GTPBP1: variants seen among roughly 807,000 people sequenced by gnomAD.
GTPBP1 encodes the protein GTP binding protein 1, also known as GTP-binding protein 1.
GTPBP1 carries 23 observed loss-of-function variants against 62.0 expected under a neutral mutation model. The observed-to-expected ratio is 0.37, with a 90% CI of 0.27 to 0.53. The LOEUF (loss-of-function observed/expected upper bound fraction) is 0.53. Ranked by LOEUF, GTPBP1 falls within the 20% of genes least tolerant of loss-of-function variation. The pLI, the probability that GTPBP1 is intolerant of heterozygous loss-of-function variation, is 0.89. For missense variants in GTPBP1, 640 were observed against 917.3 expected (o/e 0.70, Z 3.90); for synonymous variants, 344 against 364.4 (o/e 0.94, Z 0.64).
rs2092763680 is a variant in GTPBP1, at chr22:38,732,096, C to T, written c.*1392C>T. On this transcript the variant is annotated 3_prime_UTR_variant, in exon 12 of 12. Transcript: ENST00000216044. ...GGGTCCTTCCTCAGCCTTGCCTCCT[C>T]CTGTCCCCAACCCTTTCCTTTCCTC... The T allele has an allele frequency of 6.5e-6, 1 of 152,868 alleles. No individual in the cohort carries two copies. Among genetic ancestry groups the T allele is most frequent in the South Asian group, 2.1e-4 (1 of 4,850 alleles). The allele number at this position is 152,868 out of a possible 1,614,324, so 9.5% of individuals were successfully genotyped here.
At position 38,727,402 on chromosome 22, in the gene GTPBP1, G is replaced by A. The variant is rs141876564; in HGVS notation, c.1537+54G>A. ...GAGGCCGTCGTGTTAGCTCCCCTCA[G>A]AAGGTGTTCCAGCAACCCAGGCCCC... On this transcript the variant is annotated intron_variant, in intron 9 of 11. Transcript: ENST00000216044. This position sits in a 1 kb window ranked among gnomAD's most constrained non-coding sequence, Gnocchi z 6.5. The A allele has an allele frequency of 2.6e-4, 389 of 1,472,096 alleles. No individual in the cohort carries two copies. In the African/African-American group the frequency reaches 4.9e-3, roughly 18 times the overall value. 91.2% of individuals were successfully genotyped at this position (1,472,096 alleles called of 1,614,324 possible).
At chr22:38,739,081 G>C, downstream of GTPBP1, 1 of 1,268,884 alleles carries the variant, frequency 7.9e-7, no homozygotes, top group Non-Finnish European at 1.1e-6. This position sits in a 1 kb window ranked among gnomAD's most constrained non-coding sequence, Gnocchi z 6.7. Context: ...GTGGACGGCA[G>C]ATGCCCCAGG....
rs779558609 is a variant in GTPBP1 at position 38,726,724 on chromosome 22, C to T, written c.1401+284C>T. Among the ~76,000 whole-genome samples, 12 of 152,162 alleles carry T rather than the reference C, an allele frequency of 7.9e-5. No homozygotes were observed. The highest frequency in any genetic ancestry group is 1.5e-4 in the Non-Finnish European group (10 of 68,022). ...CAGTGGTGAGGTCAAATAGGAGTAT[C>T]CCTGCTGTGCAAGGATCCTTCTACA... On this transcript the variant is annotated intron_variant, in intron 8 of 11. Transcript: ENST00000216044. The surrounding 1 kb of genome is among the most constrained non-coding windows in gnomAD (Gnocchi z 4.1).
chr22:38,723,164 G>A, intron 5 of GTPBP1: 1 of 834,690 alleles, frequency 1.2e-6, no homozygotes, highest in African/African-American at 1.7e-5. Flanking sequence ...GTCACTAAAA[G>A]CAACAGTTTC....
At position 38,730,676 on chromosome 22, in the gene GTPBP1, C is replaced by T. The variant is rs1351015438; in HGVS notation, c.1982C>T (p.Ala661Val). The T allele has an allele frequency of 6.2e-7, 1 of 1,600,758 alleles. No individual in the cohort carries two copies. Residue 661 changes from alanine to valine, a missense_variant, in exon 12 of 12, where the codon GCC becomes GTC. Physicochemically the swap from Ala to Val is moderately conservative, Grantham distance 64. Transcript: ENST00000216044. The surrounding 1 kb of genome is among the most constrained non-coding windows in gnomAD (Gnocchi z 5.6). ...CGCCACAAGGTGAAGTCCCAGGGGGCCTGTGTGACTCCTGCCAGCGGCTGC... is the reference window on the plus strand; with the variant it reads ...CGCCACAAGGTGAAGTCCCAGGGGGTCTGTGTGACTCCTGCCAGCGGCTGC... The part of the protein sequence containing the change: ...GQRHKVKSQG[A>V]CVTPASGC
intron 4 of GTPBP1, among the ~76,000 whole-genome samples, 161 bp from the exon 5 acceptor site, chr22:38,721,581 C>T (rs1328623347): frequency 6.6e-6 from 1 of 152,162 alleles, no homozygotes; most frequent in Non-Finnish European, 1.5e-5. Flanking sequence ...TTATTGTTTG[C>T]AAGTCTCCTC....
rs531339083 is a variant in GTPBP1, at chr22:38,733,520, A to G, written c.*2816A>G. 3 of 152,380 alleles carry G rather than the reference A, an allele frequency of 2.0e-5. No homozygotes were observed. In the South Asian group the frequency reaches 6.2e-4, roughly 31 times the overall value. The allele number at this position is 152,380 out of a possible 1,614,324, so 9.4% of individuals were successfully genotyped here. The stretch of plus-strand genomic sequence containing the variant: ...GTCCCTACAGCCCTCCCAGCTAAAC[A>G]TTTGGAACAAAACACCAGCCCTTTT... On this transcript the variant is annotated 3_prime_UTR_variant, in exon 12 of 12. Coordinates refer to ENST00000216044, the MANE Select transcript of GTPBP1 (RefSeq NM_004286.5).
At chr22:38,740,285 G>A (rs569837469), downstream of GTPBP1, 16 of 1,600,204 alleles carry the variant, frequency 1.0e-5, no homozygotes, top group Middle Eastern at 2.0e-4. This position sits in a 1 kb window ranked among gnomAD's most constrained non-coding sequence, Gnocchi z 4.8. Context: ...GCACGGCCTG[G>A]ATCTGCTGGG....
rs766808190 is a variant in GTPBP1 at position 38,726,025 on chromosome 22, A to G, written c.1093A>G (p.Ile365Val). 9 of 1,613,862 alleles carry G rather than the reference A, an allele frequency of 5.6e-6. No homozygotes were observed. The highest frequency in any genetic ancestry group is 7.6e-6 in the Non-Finnish European group (9 of 1,179,934). The change falls in exon 7 of 12, where the codon ATC becomes GTC. Residue 365 changes from isoleucine to valine, a missense_variant. Physicochemically the swap from Ile to Val is conservative, Grantham distance 29. Coordinates refer to ENST00000216044, the MANE Select transcript of GTPBP1 (RefSeq NM_004286.5). The surrounding 1 kb of genome is among the most constrained non-coding windows in gnomAD (Gnocchi z 4.1). ...GCTTAGGATGTGCCCGATATTCCAG[A>G]TCTCCAACGTTACAGGCGAGAACCT... ...SSERMCPIFQ[I>V]SNVTGENLDL...
chr22:38,742,580 G>C (rs374134811), downstream of GTPBP1: 5 of 1,592,984 alleles, frequency 3.1e-6, no homozygotes, highest in African/African-American at 4.0e-5. Flanking sequence ...AGAGAGCCAC[G>C]GAGTGAGGGA....
In GTPBP1 at chr22:38,730,886, C is replaced by A. The variant is rs1047098846; in HGVS notation, c.*182C>A. Reference sequence around the variant, plus strand: ...GTAATTTATAAGCTGACGAAGGTAGCCAGACTTCCGGAGGACTGACCATCT... The same window carrying A: ...GTAATTTATAAGCTGACGAAGGTAGACAGACTTCCGGAGGACTGACCATCT... On this transcript the variant is annotated 3_prime_UTR_variant, in exon 12 of 12. Coordinates refer to ENST00000216044, the MANE Select transcript of GTPBP1 (RefSeq NM_004286.5). This position sits in a 1 kb window ranked among gnomAD's most constrained non-coding sequence, Gnocchi z 5.6. 1 of 558,816 alleles carries A rather than the reference C, an allele frequency of 1.8e-6. No homozygotes were observed. Among genetic ancestry groups the A allele is most frequent in the Non-Finnish European group, 3.2e-6 (1 of 316,776 alleles). The allele number at this position is 558,816 out of a possible 1,614,324, so 34.6% of individuals were successfully genotyped here. A position where few individuals can be genotyped will look rare whatever the true frequency, so the allele number is the denominator to read the frequency against.
intron 1 of GTPBP1, among the ~76,000 whole-genome samples, chr22:38,707,931 G>A (rs2092615238): frequency 6.6e-6 from 1 of 152,202 alleles, no homozygotes; most frequent in Non-Finnish European, 1.5e-5. Context: ...GGAGACCTAA[G>A]GCTCCGAGAG....
At position 38,729,637 on chromosome 22, in the gene GTPBP1, C is replaced by T. The variant is rs146241498; in HGVS notation, c.1892C>T (p.Ala631Val). 2 of 1,510,240 alleles carry T rather than the reference C, an allele frequency of 1.3e-6. No individual in the cohort carries two copies. The highest frequency in any genetic ancestry group is 2.8e-5 in the African/African-American group (2 of 70,732). 93.6% of individuals were successfully genotyped at this position (1,510,240 alleles called of 1,614,324 possible). The change falls in exon 11 of 12, where the codon GCT becomes GTT. Residue 631 changes from alanine (A) to valine (V), a missense_variant. Transcript: ENST00000216044. ...TCCTCTGTAGGGGCAGGGCAACCAGCTGCGTCCAGCAATCTCCAGCCTCAG... is the reference window on the plus strand; with the variant it reads ...TCCTCTGTAGGGGCAGGGCAACCAGTTGCGTCCAGCAATCTCCAGCCTCAG... ...EASSVGAGQP[A>V]ASSNLQPQPK... is the part of the protein sequence containing the mutation.
In GTPBP1 at chr22:38,726,408, G is replaced by T. The variant is rs1249684529; in HGVS notation, c.1369G>T (p.Gly457Cys). 1 of 1,613,882 alleles carries T rather than the reference G, an allele frequency of 6.2e-7. No homozygotes were observed. The change falls in exon 8 of 12, where the codon GGT (glycine) becomes TGT (cysteine). Residue 457 changes from glycine to cysteine, a missense_variant. Transcript: ENST00000216044. The surrounding 1 kb of genome is among the most constrained non-coding windows in gnomAD (Gnocchi z 4.1). ...GCGCATGCCTGTCAAGGAGGTGCGG[G>T]GTGGCCAGACAGCATCCTTTGCGCT... is the stretch of plus-strand genomic sequence containing the variant. Reference protein sequence around the residue: ...RKRMPVKEVRGGQTASFALKK... With the variant: ...RKRMPVKEVRCGQTASFALKK...
intron 4 of GTPBP1, among the ~76,000 whole-genome samples, chr22:38,717,640 A>T (rs2092678240): frequency 6.6e-6 from 1 of 152,268 alleles, no homozygotes; most frequent in African/African-American, 2.4e-5. Flanking sequence ...CATTAAAAAC[A>T]ACCAAAAAGT....
In GTPBP1 at chr22:38,731,136, T is replaced by TC. The variant is rs1363694648; in HGVS notation, c.*433dup. The TC allele has an allele frequency of 1.9e-5, 3 of 156,514 alleles. No homozygotes were observed. The highest frequency in any genetic ancestry group is 3.3e-3 in the Middle Eastern group (1 of 306). 9.7% of individuals were successfully genotyped at this position (156,514 alleles called of 1,614,324 possible). ...CCTGCGTATCTGTCTCTGAGAATCC[T>TC]CGGGGCGGTCAGGGGATGTCAGGAG... On this transcript the variant is annotated 3_prime_UTR_variant, in exon 12 of 12. Transcript: ENST00000216044.
intron 2 of GTPBP1, among the ~76,000 whole-genome samples, chr22:38,709,605 A>C (rs895109390): frequency 6.6e-6 from 1 of 152,220 alleles, no homozygotes; most frequent in Non-Finnish European, 1.5e-5. Flanking sequence ...ATTCCTGGGC[A>C]GCTGGAGGTC....
At chr22:38,736,604 C>T (rs1421455286), downstream of GTPBP1, 4 of 392,414 alleles carry the variant, frequency 1.0e-5, no homozygotes, top group Middle Eastern at 6.6e-4. Flanking sequence ...TCATCTGAAA[C>T]CGGAATGAAT....
At chr22:38,742,555 C>A (rs1364499108), downstream of GTPBP1, 1 of 1,607,376 alleles carries the variant, frequency 6.2e-7, no homozygotes, top group Admixed American at 1.7e-5. Context: ...CGCTGCTCAG[C>A]CTGGAAGGGC....
Sources: gnomAD v4.1 joint callset for allele counts (sites outside exome capture counted in the v4.1 genomes callset) on GRCh38, gnomAD v4.1.1 for gene constraint, Gnocchi (gnomAD v3.1) non-coding constraint, MANE v1.5 for transcripts, NCBI Gene and HGNC (gene_info 2026-07-23, HGNC 2026-07-21) for gene names.